The following UBE4B variants were observed in gnomAD, a reference collection of about 807,000 sequenced individuals.
UBE4B encodes ubiquitin conjugation factor E4 B.
A neutral mutation model predicts 148.1 loss-of-function variants in UBE4B; 27 were observed. That is an observed-to-expected ratio of 0.18 (90% CI 0.13 to 0.25). The LOEUF (loss-of-function observed/expected upper bound fraction) is 0.25. Ranked by LOEUF, UBE4B falls within the 10% of genes least tolerant of loss-of-function variation. The pLI is 1.00. For missense variants in UBE4B, 1,170 were observed against 1,662.4 expected (o/e 0.70, Z 5.15); for synonymous variants, 596 against 619.3 (o/e 0.96, Z 0.56).
chr1:10,048,049 G>C (rs9919194), intron 1 of UBE4B, among the ~76,000 whole-genome samples: 2 of 151,768 alleles, frequency 1.3e-5, no homozygotes, highest in Non-Finnish European at 2.9e-5. Context: ...GGGTCTCCCT[G>C]TGTTGCCTAG....
At chr1:10,154,731 T>A (rs1160979516) in intron 21 of UBE4B, among the ~76,000 whole-genome samples, 5 of 151,830 alleles carry the variant, frequency 3.3e-5, no homozygotes, top group Non-Finnish European at 7.4e-5. Flanking sequence ...AGTCCCAGCT[T>A]CTCTGGAGTC....
At chr1:10,175,586 G>A (rs1646413317) in intron 25 of UBE4B, among the ~76,000 whole-genome samples, 2 of 152,128 alleles carry the variant, frequency 1.3e-5, no homozygotes, top group South Asian at 2.1e-4. Flanking sequence ...GGGAGGTGGA[G>A]CTTGCAGTGA....
chr1:10,117,621 T>A, intron 8 of UBE4B, 21 bp downstream of exon 8: 1 of 1,553,148 alleles, frequency 6.4e-7, no homozygotes, highest in Middle Eastern at 1.8e-4. Context: ...ATGGATTAAC[T>A]TAAAAAAAAA....
At chr1:10,131,877 C>G (rs1046721821) in intron 14 of UBE4B, among the ~76,000 whole-genome samples, 1 of 151,052 alleles carries the variant, frequency 6.6e-6, no homozygotes, top group African/African-American at 2.4e-5. Context: ...CGCTTGAAAC[C>G]GGGAGGCGGA....
chr1:10,093,915 G>A (rs540403714), intron 2 of UBE4B, among the ~76,000 whole-genome samples: 1 of 151,944 alleles, frequency 6.6e-6, no homozygotes, highest in African/African-American at 2.4e-5. Flanking sequence ...TGCTGGTCTC[G>A]AACTCCTGAC....
chr1:10,130,951 A>G (rs1258560446), intron 14 of UBE4B, 138 bp downstream of exon 14: 3 of 707,810 alleles, frequency 4.2e-6, no homozygotes, highest in Non-Finnish European at 7.1e-6. Context: ...AAAAAGATAA[A>G]CTATAAGTAA....
intron 2 of UBE4B, among the ~76,000 whole-genome samples, chr1:10,085,191 C>T (rs1038117478): frequency 1.3e-4 from 20 of 152,228 alleles, no homozygotes; most frequent in Admixed American, 3.9e-4. Context: ...TGGCAGGATT[C>T]GTCCCCTGAA....
At chr1:10,141,566 A>G (rs77567553) in intron 17 of UBE4B, among the ~76,000 whole-genome samples, 1,579 of 152,318 alleles carry the variant, frequency 0.01, 56 homozygotes, top group Admixed American at 0.07. Flanking sequence ...TACAGCAGCA[A>G]TAGAAAACTA....
intron 5 of UBE4B, among the ~76,000 whole-genome samples, chr1:10,103,747 C>T (rs776869999): frequency 1.3e-5 from 2 of 151,778 alleles, no homozygotes; most frequent in East Asian, 1.9e-4. Flanking sequence ...TCTCCAGCCT[C>T]AGCCTCCCGA....
chr1:10,048,739 T>A (rs1180689230), intron 1 of UBE4B, among the ~76,000 whole-genome samples: 1 of 152,150 alleles, frequency 6.6e-6, no homozygotes, highest in African/African-American at 2.4e-5. Context: ...AAGACTGATT[T>A]CATTGCTGAC....
chr1:10,155,103 G>GTA (rs1193736782), intron 21 of UBE4B, among the ~76,000 whole-genome samples: 10 of 151,880 alleles, frequency 6.6e-5, no homozygotes, highest in African/African-American at 2.4e-4. Context: ...GTGTGTGTGT[G>GTA]TGTGTGTTTG....
chr1:10,048,442 A>AT (rs748887006), intron 1 of UBE4B, among the ~76,000 whole-genome samples: 4 of 152,114 alleles, frequency 2.6e-5, no homozygotes, highest in Admixed American at 1.3e-4. Flanking sequence ...GAATGGACAG[A>AT]TTTTACCTAG....
At position 10,155,045 on chromosome 1, in the gene UBE4B, G is replaced by A. The variant is rs547567962; in HGVS notation, c.2927-3311G>A. On this transcript the variant is annotated intron_variant, in intron 21 of 27. Coordinates refer to ENST00000343090, the MANE Select transcript of UBE4B (RefSeq NM_001105562.3). ...ATTTATTTTGTAGTCAGTGTTCTGGGCCTGTCACTGTGGCTTCAGGAGAGA... is the reference window on the plus strand; with the variant it reads ...ATTTATTTTGTAGTCAGTGTTCTGGACCTGTCACTGTGGCTTCAGGAGAGA... Among the ~76,000 whole-genome samples the A allele has an allele frequency of 1.4e-3, 220 of 152,174 alleles. 1 individual carries two copies. Among genetic ancestry groups the A allele is most frequent in the African/African-American group, 4.9e-3 (202 of 41,514 alleles).
chr1:10,111,527 C>T (rs941131596), intron 7 of UBE4B, among the ~76,000 whole-genome samples: 1 of 152,190 alleles, frequency 6.6e-6, no homozygotes, highest in South Asian at 2.1e-4. Context: ...CGCACACCGT[C>T]GTTCTTCATC....
At chr1:10,162,726 G>A (rs777415891) in intron 23 of UBE4B, among the ~76,000 whole-genome samples, 20 of 151,130 alleles carry the variant, frequency 1.3e-4, no homozygotes, top group East Asian at 3.9e-4. Flanking sequence ...GATTCAGCCT[G>A]TCACCCAGGG....
chr1:10,114,600 A>C (rs185312844), intron 7 of UBE4B, among the ~76,000 whole-genome samples: 1 of 152,280 alleles, frequency 6.6e-6, no homozygotes, highest in Non-Finnish European at 1.5e-5. Flanking sequence ...GCTGTGGCTC[A>C]CACCTGTAAT....
At chr1:10,072,457 TA>T in intron 2 of UBE4B, 1 of 705,046 alleles carries the variant, frequency 1.4e-6, no homozygotes, top group African/African-American at 1.8e-5. Context: ...CAAACAGGTT[TA>T]GGTATTATCT....
At chr1:10,126,649 G>A (rs1645503700) in intron 10 of UBE4B, 145 bp from the exon 11 acceptor site, 1 of 662,316 alleles carries the variant, frequency 1.5e-6, no homozygotes, top group Non-Finnish European at 2.6e-6. Flanking sequence ...CACTCTGGCT[G>A]AATTCTAGAC....
intron 2 of UBE4B, among the ~76,000 whole-genome samples, chr1:10,080,617 T>C (rs1055245756): frequency 1.3e-5 from 2 of 152,178 alleles, no homozygotes; most frequent in Admixed American, 1.3e-4. Flanking sequence ...CTCATGTTCA[T>C]TGCAGCATTA....
Sources: allele counts gnomAD v4.1 joint callset (sites outside exome capture counted in the v4.1 genomes callset), GRCh38; gene constraint gnomAD v4.1.1; transcripts MANE v1.5; gene names NCBI Gene and HGNC (gene_info 2026-07-23, HGNC 2026-07-21).